The following BAZ2B variants were observed in gnomAD, a reference collection of about 807,000 sequenced individuals.
BAZ2B encodes bromodomain adjacent to zinc finger domain protein 2B.
In BAZ2B, 91 loss-of-function variants were observed where a neutral mutation model predicts 246.0. That is an observed-to-expected ratio of 0.37 (90% confidence interval 0.31 to 0.44). The LOEUF is 0.44. Ranked by LOEUF, BAZ2B falls within the 20% of genes least tolerant of loss-of-function variation. The pLI is 1.00. For missense variants in BAZ2B, 2,332 were observed against 2,533.7 expected, an observed-to-expected ratio of 0.92 and a Z score of 1.71; for synonymous variants, 855 against 860.0, an observed-to-expected ratio of 0.99 and a Z score of 0.10.
At chr2:159,624,936 A>G in the BAZ2B span, among the ~76,000 whole-genome samples, 2 of 152,152 alleles carry the variant, frequency 1.3e-5, no homozygotes, top group African/African-American at 4.8e-5. Flanking sequence ...GAATCTTGAA[A>G]AAAGGTTAGA....
At chr2:159,380,338 AGGTGT>A (rs2061854209) in intron 25 of BAZ2B, among the ~76,000 whole-genome samples, 8 of 152,310 alleles carry the variant, frequency 5.3e-5, no homozygotes, top group African/African-American at 1.4e-4. Flanking sequence ...ACAGCCTGGT[AGGTGT>A]GCTCATCCCT....
chr2:159,638,662 CAG>C, the BAZ2B span, among the ~76,000 whole-genome samples: 1 of 151,344 alleles, frequency 6.6e-6, no homozygotes, highest in Non-Finnish European at 1.5e-5. Flanking sequence ...AGAAAAAAAA[CAG>C]TGAGCTTGAA....
chr2:159,352,223 TC>T (rs1191977271), intron 27 of BAZ2B, among the ~76,000 whole-genome samples: 1 of 152,194 alleles, frequency 6.6e-6, no homozygotes, highest in East Asian at 1.9e-4. Context: ...ATCTTGTTCT[TC>T]CCTCTGCATG....
the BAZ2B span, among the ~76,000 whole-genome samples, chr2:159,699,600 T>C: frequency 6.6e-6 from 1 of 152,178 alleles, no homozygotes; most frequent in Non-Finnish European, 1.5e-5. Context: ...TTATTCTTCA[T>C]AGAGCTTACA....
At chr2:159,329,245 C>T (rs1349625989) in intron 34 of BAZ2B, among the ~76,000 whole-genome samples, 1 of 151,754 alleles carries the variant, frequency 6.6e-6, no homozygotes, top group Non-Finnish European at 1.5e-5. Context: ...CAACTATTTG[C>T]ATAGCATTTA....
intron 2 of BAZ2B, among the ~76,000 whole-genome samples, chr2:159,519,686 T>TG (rs1217794799): frequency 7.0e-6 from 1 of 143,504 alleles, no homozygotes; most frequent in Non-Finnish European, 1.5e-5. Flanking sequence ...TTTTTTTTTT[T>TG]TTTTGAGACA....
intron 3 of BAZ2B, chr2:159,461,126 C>T (rs1443908947): frequency 1.3e-5 from 2 of 151,758 alleles, no homozygotes; most frequent in Non-Finnish European, 2.9e-5. Context: ...AACTGAAGCA[C>T]AAACACGTTT....
At chr2:159,594,121 C>A (rs969378344) in intron 1 of BAZ2B, among the ~76,000 whole-genome samples, 2 of 152,074 alleles carry the variant, frequency 1.3e-5, no homozygotes, top group Non-Finnish European at 2.9e-5. Context: ...AACAAAAAGT[C>A]GGCCGGGCGC....
intron 6 of BAZ2B, among the ~76,000 whole-genome samples, chr2:159,439,537 A>T (rs2072999363): frequency 2.6e-5 from 4 of 152,240 alleles, no homozygotes; most frequent in Admixed American, 2.0e-4. Context: ...AATTCCAACT[A>T]TGATACATAC....
At chr2:159,467,633 T>C (rs1358574326) in intron 3 of BAZ2B, among the ~76,000 whole-genome samples, 1 of 152,178 alleles carries the variant, frequency 6.6e-6, no homozygotes, top group Non-Finnish European at 1.5e-5. Context: ...CTGTAGTGTC[T>C]TAGGAAAAAA....
intron 31 of BAZ2B, among the ~76,000 whole-genome samples, chr2:159,339,092 T>C (rs903825462): frequency 1.3e-5 from 2 of 152,164 alleles, no homozygotes; most frequent in Non-Finnish European, 2.9e-5. Context: ...TTATCTTATA[T>C]ACTAGGATAA....
In BAZ2B at chr2:159,433,241, T is replaced by C. The variant is rs373429638; in HGVS notation, c.1416A>G (p.Lys472=). The C allele has an allele frequency of 3.1e-6, 5 of 1,614,064 alleles. No individual in the cohort carries two copies. The highest frequency in any genetic ancestry group is 4.2e-6 in the Non-Finnish European group (5 of 1,180,024). The change falls in exon 9 of 37, where the codon AAA becomes AAG. Residue 472 remains lysine (K), a synonymous_variant. Coordinates refer to ENST00000392783, the MANE Select transcript of BAZ2B (RefSeq NM_013450.4). ...KATSSSPAHP[K]QTLENNHPNP... is the part of the protein sequence containing the mutation. The stretch of plus-strand genomic sequence containing the variant: ...TTGGGTGGTTGTTTTCTAATGTTTG[T>C]TTTGGATGTGCTGGTGAACTAGAGG...
intron 27 of BAZ2B, among the ~76,000 whole-genome samples, chr2:159,369,786 G>A (rs2060619738): frequency 6.6e-6 from 1 of 152,102 alleles, no homozygotes; most frequent in African/African-American, 2.4e-5. Context: ...CATTTGAGTT[G>A]GTTCCAAGTC....
chr2:159,533,936 C>CT (rs1559713243), intron 2 of BAZ2B, among the ~76,000 whole-genome samples: 1 of 152,108 alleles, frequency 6.6e-6, no homozygotes, highest in Non-Finnish European at 1.5e-5. Flanking sequence ...ACATTTCTAA[C>CT]GAAAGCTAAA....
intron 2 of BAZ2B, among the ~76,000 whole-genome samples, chr2:159,487,963 C>T (rs967779659): frequency 2.0e-5 from 3 of 151,932 alleles, no homozygotes; most frequent in Non-Finnish European, 2.9e-5. Context: ...TCTAGACATC[C>T]AAATACAAGA....
At chr2:159,647,590 A>T in the BAZ2B span, among the ~76,000 whole-genome samples, 4 of 152,170 alleles carry the variant, frequency 2.6e-5, no homozygotes, top group Non-Finnish European at 5.9e-5. Context: ...TGATACACAA[A>T]ATTAACCATC....
chr2:159,360,978 G>C (rs576550221), intron 27 of BAZ2B, among the ~76,000 whole-genome samples: 4 of 152,232 alleles, frequency 2.6e-5, no homozygotes, highest in East Asian at 1.9e-4. Flanking sequence ...TTAAACGTCA[G>C]ACCTAAAACC....
chr2:159,635,910 A>G, the BAZ2B span, among the ~76,000 whole-genome samples: 1 of 152,128 alleles, frequency 6.6e-6, no homozygotes, highest in African/African-American at 2.4e-5. Flanking sequence ...TTAAGAAAAT[A>G]GCCAGGTGTG....
the BAZ2B span, among the ~76,000 whole-genome samples, chr2:159,623,798 G>C: frequency 6.6e-6 from 1 of 152,170 alleles, no homozygotes; most frequent in African/African-American, 2.4e-5. Flanking sequence ...GTTATTCTTT[G>C]AAGCACTTTA....
Sources: gnomAD v4.1 joint callset for allele counts (sites outside exome capture counted in the v4.1 genomes callset) on GRCh38, gnomAD v4.1.1 for gene constraint, MANE v1.5 for transcripts, NCBI Gene and HGNC (gene_info 2026-07-23, HGNC 2026-07-21) for gene names.